The following OR6B1 variants were observed in gnomAD, a reference collection of about 807,000 sequenced individuals.
OR6B1 encodes olfactory receptor 6B1.
In OR6B1, 15 loss-of-function variants were observed where a neutral mutation model predicts 15.4. That is an observed-to-expected ratio of 0.97 (90% CI 0.65 to 1.50). The LOEUF (loss-of-function observed/expected upper bound fraction) is 1.50, where lower values mean the gene tolerates loss of function less well. OR6B1 is among the 40% of genes most tolerant of loss of function. The pLI, the probability that OR6B1 is intolerant of heterozygous loss-of-function variation, is 0.00. For missense variants in OR6B1, 384 were observed against 385.0 expected, an observed-to-expected ratio of 1.00 and a Z score of 0.02; for synonymous variants, 139 against 144.9, an observed-to-expected ratio of 0.96 and a Z score of 0.29.
rs1052755506 is a variant in OR6B1 at position 144,007,763 on chromosome 7, T to C, written c.*2831T>C. ...TTGAATGGTGGCTCCCAAAAATATA[T>C]TTTCACACTTTCAACCTGGAACTTG... On this transcript the variant is annotated 3_prime_UTR_variant, in exon 2 of 2. Transcript: ENST00000641698. 1 of 152,000 alleles carries C rather than the reference T, an allele frequency of 6.6e-6. No individual in the cohort carries two copies. Among genetic ancestry groups the C allele is most frequent in the Non-Finnish European group, 1.5e-5 (1 of 67,998 alleles). The allele number at this position is 152,000 out of a possible 1,614,324, so 9.4% of individuals were successfully genotyped here.
intron 1 of OR6B1, among the ~76,000 whole-genome samples, chr7:144,001,507 C>T (rs1273405677): frequency 6.6e-6 from 1 of 152,196 alleles, no homozygotes; most frequent in African/African-American, 2.4e-5. Context: ...TCTAACGGGT[C>T]TATGAATCTC....
chr7:144,002,658 T>C (rs2050592015), intron 1 of OR6B1, among the ~76,000 whole-genome samples: 1 of 152,246 alleles, frequency 6.6e-6, no homozygotes, highest in African/African-American at 2.4e-5. Context: ...GAGTCCGTTT[T>C]GCAACGACAG....
In OR6B1 at chr7:144,004,065, G is replaced by C; in HGVS notation, c.69G>C (p.Met23Ile). The C allele has an allele frequency of 1.2e-6, 2 of 1,614,126 alleles. No individual in the cohort carries two copies. The highest frequency in any genetic ancestry group is 1.7e-6 in the Non-Finnish European group (2 of 1,180,018). ...TGGGATTCCCTGGGAGCTTGAGTAT[G>C]CGGGCAGCCATGTTTCTGATATTCC... ...ILVGFPGSLS[M>I]RAAMFLIFLV... The change falls in exon 2 of 2, where the codon ATG (methionine) becomes ATC (isoleucine). Residue 23 changes from methionine to isoleucine, a missense_variant. Physicochemically the swap from Met to Ile is conservative, Grantham distance 10. Coordinates refer to ENST00000641698, the MANE Select transcript of OR6B1 (RefSeq NM_001005281.3).
chr7:144,005,046 A>T lies in OR6B1; in HGVS notation c.*114A>T, dbSNP rs989566782. The T allele has an allele frequency of 3.2e-5, 23 of 728,350 alleles. No homozygotes were observed. The highest frequency in any genetic ancestry group is 4.7e-5 in the Non-Finnish European group (21 of 451,560). 45.1% of individuals were successfully genotyped at this position (728,350 alleles called of 1,614,324 possible). On this transcript the variant is annotated 3_prime_UTR_variant, in exon 2 of 2. Transcript: ENST00000641698. ...CTGCCCATGTTAATATGACATCACC[A>T]TGTCTACTTCAATCTCAGGCGCTTG... is the stretch of plus-strand genomic sequence containing the variant.
Position 144,008,615 on chromosome 7 carries a change from T to G in OR6B1, c.*3683T>G, listed in dbSNP as rs1192192709. The G allele has an allele frequency of 1.3e-5, 2 of 152,164 alleles. No homozygotes were observed. Among genetic ancestry groups the G allele is most frequent in the East Asian group, 1.9e-4 (1 of 5,180 alleles). The allele number at this position is 152,164 out of a possible 1,614,324, so 9.4% of individuals were successfully genotyped here. A position where few individuals can be genotyped will look rare whatever the true frequency, so the allele number is the denominator to read the frequency against. ...TGTTCTCATGATAGTGAGTGAGTTC[T>G]CACAAGATCCGATGGTTTTAAAAGT... is the stretch of plus-strand genomic sequence containing the variant. On this transcript the variant is annotated 3_prime_UTR_variant, in exon 2 of 2. Transcript: ENST00000641698.
In OR6B1 at chr7:144,004,172, T is replaced by G. The variant is rs1011456564; in HGVS notation, c.176T>G (p.Met59Arg). 1.1e-5 allele frequency: 18 copies of G among 1,614,100 alleles called. No individual in the cohort carries two copies. The highest frequency in any genetic ancestry group is 1.4e-5 in the Non-Finnish European group (16 of 1,180,042). ...CAAAATCGGCCACTGCACAAGCCTA[T>G]GTACTTCTTCCTGGCCAACCTGTCC... ...VLQNRPLHKPMYFFLANLSFL... is the reference protein window; with the variant it reads ...VLQNRPLHKPRYFFLANLSFL... Residue 59 changes from methionine (M) to arginine (R), a missense_variant, in exon 2 of 2, where the codon ATG (methionine) becomes AGG (arginine). By Grantham distance (91) the Met-to-Arg change is moderately conservative. Coordinates refer to ENST00000641698, the MANE Select transcript of OR6B1 (RefSeq NM_001005281.3).
chr7:144,004,633 A>G lies in OR6B1; in HGVS notation c.637A>G (p.Ile213Val), dbSNP rs61731391. 3.9e-4 allele frequency: 625 copies of G among 1,614,006 alleles called. 7 individuals are homozygous for G. Among genetic ancestry groups the G allele is most frequent in the Admixed American group, 1.2e-4 (7 of 60,008 alleles). The change falls in exon 2 of 2, where the codon ATT (isoleucine) becomes GTT (valine). Residue 213 changes from isoleucine to valine, a missense_variant. Transcript: ENST00000641698. ...GGTCATCTTCCTATTCCCACTCTTT[A>G]TTACTGTCCTGTCCTACGGATGCAT... ...ALVIFLFPLF[I>V]TVLSYGCILA...
In OR6B1 at chr7:144,004,360, C is replaced by T. The variant is rs200541258; in HGVS notation, c.364C>T (p.Arg122Trp). ...CVLLAAMAYD[R>W]YVAICRPLHY... The stretch of plus-strand genomic sequence containing the variant: ...GCTTCTGGCCGCCATGGCCTATGAC[C>T]GGTATGTGGCCATCTGTCGCCCACT... The change falls in exon 2 of 2, where the codon CGG becomes TGG. Residue 122 changes from arginine to tryptophan, a missense_variant. Coordinates refer to ENST00000641698, the MANE Select transcript of OR6B1 (RefSeq NM_001005281.3). 78 of 1,614,184 alleles carry T rather than the reference C, an allele frequency of 4.8e-5. No homozygotes were observed. The highest frequency in any genetic ancestry group is 1.5e-4 in the African/African-American group (11 of 75,050).
chr7:144,003,232 G>T (rs1386392102), intron 1 of OR6B1, among the ~76,000 whole-genome samples: 1 of 152,044 alleles, frequency 6.6e-6, no homozygotes, highest in South Asian at 2.1e-4. Flanking sequence ...CCCCTTTCAC[G>T]ATTATTGCCA....
chr7:144,005,167 G>T lies in OR6B1; in HGVS notation c.*235G>T, dbSNP rs1036174493. 1.3e-5 allele frequency: 6 copies of T among 452,016 alleles called. No homozygotes were observed. The highest frequency in any genetic ancestry group is 2.4e-5 in the Non-Finnish European group (6 of 254,874). 28.0% of individuals were successfully genotyped at this position (452,016 alleles called of 1,614,324 possible). Reference sequence around the variant, plus strand: ...TCTCAATGGTTGTGACCCCAAATGGGGTTTCTAAGACTGTGAGTAAATTTA... The same window carrying T: ...TCTCAATGGTTGTGACCCCAAATGGTGTTTCTAAGACTGTGAGTAAATTTA... On this transcript the variant is annotated 3_prime_UTR_variant, in exon 2 of 2. Coordinates refer to ENST00000641698, the MANE Select transcript of OR6B1 (RefSeq NM_001005281.3).
chr7:144,006,052 G>A lies in OR6B1; in HGVS notation c.*1120G>A, dbSNP rs1348997776. ...TATTGTAACAGTTTTAAACAGGAGA[G>A]TTTCTTGCATTAATAACATCTTTTA... On this transcript the variant is annotated 3_prime_UTR_variant, in exon 2 of 2. Coordinates refer to ENST00000641698, the MANE Select transcript of OR6B1 (RefSeq NM_001005281.3). 1 of 152,208 alleles carries A rather than the reference G, an allele frequency of 6.6e-6. No homozygotes were observed. The highest frequency in any genetic ancestry group is 1.5e-5 in the Non-Finnish European group (1 of 68,022). The allele number at this position is 152,208 out of a possible 1,614,324, so 9.4% of individuals were successfully genotyped here. A position where few individuals can be genotyped will look rare whatever the true frequency, so the allele number is the denominator to read the frequency against.
intron 1 of OR6B1, among the ~76,000 whole-genome samples, chr7:144,002,475 C>A (rs572532534): frequency 9.2e-5 from 14 of 152,254 alleles, no homozygotes; most frequent in African/African-American, 3.4e-4. Context: ...TCCGTGATTT[C>A]TTTCTTTCTC....
rs2050612764 is a variant in OR6B1, at chr7:144,004,752, C to A, written c.756C>A (p.Ala252=). The A allele has an allele frequency of 6.2e-7, 1 of 1,614,102 alleles. No individual in the cohort carries two copies. Residue 252 remains alanine, a synonymous_variant, in exon 2 of 2, where the codon GCC becomes GCA. Coordinates refer to ENST00000641698, the MANE Select transcript of OR6B1 (RefSeq NM_001005281.3). ...HLVVVTIFYS[A]IIFMYARPRV... ...TGGTGGTCACCATTTTCTATTCAGC[C>A]ATTATTTTCATGTATGCTCGACCTC...
In OR6B1 at chr7:144,004,574, C is replaced by A; in HGVS notation, c.578C>A (p.Ser193Tyr). Reference sequence around the variant, plus strand: ...CTTAATCTCTCCTGCACAGACATGTCCATAACTGAGTTGGTAGACTTTATC... The same window carrying A: ...CTTAATCTCTCCTGCACAGACATGTACATAACTGAGTTGGTAGACTTTATC... Reference protein sequence around the residue: ...PVLNLSCTDMSITELVDFILA... With the variant: ...PVLNLSCTDMYITELVDFILA... Residue 193 changes from serine (S) to tyrosine (Y), a missense_variant, in exon 2 of 2, where the codon TCC (serine) becomes TAC (tyrosine). By Grantham distance (144) the Ser-to-Tyr change is moderately radical. Transcript: ENST00000641698. 1 of 1,614,098 alleles carries A rather than the reference C, an allele frequency of 6.2e-7. No individual in the cohort carries two copies. Among genetic ancestry groups the A allele is most frequent in the Non-Finnish European group, 8.5e-7 (1 of 1,179,942 alleles).
chr7:144,004,532 G>C lies in OR6B1; in HGVS notation c.536G>C (p.Cys179Ser). The change falls in exon 2 of 2, where the codon TGT becomes TCT. Residue 179 changes from cysteine (C) to serine (S), a missense_variant. Transcript: ENST00000641698. ...CGPNVINHFF[C>S]DISPVLNLSC... ...CCCAATGTCATCAACCACTTCTTCT[G>C]TGACATCTCTCCAGTACTTAATCTC... 2 of 1,614,154 alleles carry C rather than the reference G, an allele frequency of 1.2e-6. No individual in the cohort carries two copies. Among genetic ancestry groups the C allele is most frequent in the Non-Finnish European group, 1.7e-6 (2 of 1,180,036 alleles).
Position 144,006,003 on chromosome 7 carries a change from A to G in OR6B1, c.*1071A>G, listed in dbSNP as rs571312415. The G allele has an allele frequency of 3.9e-5, 6 of 152,360 alleles. No individual in the cohort carries two copies. The highest frequency in any genetic ancestry group is 3.9e-4 in the Admixed American group (6 of 15,300). The allele number at this position is 152,360 out of a possible 1,614,324, so 9.4% of individuals were successfully genotyped here. On this transcript the variant is annotated 3_prime_UTR_variant, in exon 2 of 2. Transcript: ENST00000641698. The stretch of plus-strand genomic sequence containing the variant: ...AAGCTGTATTCAACATAGTGGGCCA[A>G]CATCAGTGGGAATTTAATTCTTTTA...
At chr7:144,002,106 A>T (rs2050588374) in intron 1 of OR6B1, among the ~76,000 whole-genome samples, 1 of 152,206 alleles carries the variant, frequency 6.6e-6, no homozygotes, top group African/African-American at 2.4e-5. Context: ...GATATTCTTC[A>T]TCAGTGTGTT....
At chr7:144,003,937 C>A in intron 1 of OR6B1, 35 bp from the exon 2 acceptor site, 1 of 1,110,272 alleles carries the variant, frequency 9.0e-7, no homozygotes, top group Non-Finnish European at 1.3e-6. Context: ...TATAGCTGGG[C>A]CATGGAGTCT....
Position 144,004,000 on chromosome 7 carries a change from G to T in OR6B1, c.4G>T (p.Glu2Ter). The change falls in exon 2 of 2, where the codon GAG becomes TAG. Residue 2 changes from glutamate (E) to a stop codon, truncating the protein, a stop_gained. Coordinates refer to ENST00000641698, the MANE Select transcript of OR6B1 (RefSeq NM_001005281.3). LOFTEE classifies it high-confidence loss of function. M[E>*]LENQTRVTKF... ...AGCTAAGCCCTGTGTCTCCAATATG[G>T]AGTTGGAGAACCAGACACGAGTCAC... The T allele has an allele frequency of 6.2e-7, 1 of 1,604,520 alleles. No individual in the cohort carries two copies. Among genetic ancestry groups the T allele is most frequent in the East Asian group, 2.2e-5 (1 of 44,850 alleles).
Sources: gnomAD v4.1 joint callset for allele counts (sites outside exome capture counted in the v4.1 genomes callset) on GRCh38, gnomAD v4.1.1 for gene constraint, MANE v1.5 for transcripts, NCBI Gene and HGNC (gene_info 2026-07-23, HGNC 2026-07-21) for gene names.